Variants in CFAP58 observed in about 807,000 individuals in gnomAD.
The protein encoded by CFAP58 is cilia- and flagella-associated protein 58.
CFAP58 carries 88 observed loss-of-function variants against 119.5 expected under a neutral mutation model. The ratio of observed to expected loss-of-function variants is 0.74; its 90% CI spans 0.62 to 0.88. CFAP58 has a LOEUF of 0.88. Among genes scored for constraint, CFAP58 ranks in the 40% least tolerant of loss-of-function variants. CFAP58 has a pLI of 0.00. For synonymous variants in CFAP58, 365 were observed against 366.3 expected, an observed-to-expected ratio of 1.00 and a Z score of 0.04; for missense variants, 990 against 1,021.2, an observed-to-expected ratio of 0.97 and a Z score of 0.42.
rs532021111 is a variant in CFAP58, at chr10:104,445,607, A to G, written c.2257-2091A>G. On this transcript the variant is annotated intron_variant, in intron 15 of 17. Coordinates refer to ENST00000369704, the MANE Select transcript of CFAP58 (RefSeq NM_001008723.2). ...TTCTTCTATCCATGATATCATGTAG[A>G]TGGAATTTTGTAGCTCAATTTTGCC... is the stretch of plus-strand genomic sequence containing the variant. Among the ~76,000 whole-genome samples, 3 of 152,266 alleles carry G rather than the reference A, an allele frequency of 2.0e-5. No individual in the cohort carries two copies. In the East Asian group the frequency reaches 5.8e-4, roughly 29 times the overall value.
the CFAP58 span, among the ~76,000 whole-genome samples, chr10:104,341,994 A>T: frequency 6.6e-6 from 1 of 152,252 alleles, no homozygotes; most frequent in Non-Finnish European, 1.5e-5. Context: ...GTTTGGCTGC[A>T]AGTAACGGAA....
intron 17 of CFAP58, 71 bp from the exon 18 acceptor site, chr10:104,454,351 T>G (rs2013243395): frequency 1.1e-5 from 13 of 1,215,160 alleles, no homozygotes; most frequent in Non-Finnish European, 1.6e-5. Context: ...TAACACACCC[T>G]AGGATTATCA....
intron 15 of CFAP58, among the ~76,000 whole-genome samples, chr10:104,411,043 G>A (rs1375254657): frequency 2.6e-5 from 4 of 152,126 alleles, no homozygotes; most frequent in South Asian, 4.2e-4. Context: ...AGGTTCAAGC[G>A]ATTCTCCTGC....
chr10:104,390,914 A>G (rs1030257830), intron 9 of CFAP58, among the ~76,000 whole-genome samples: 1 of 152,224 alleles, frequency 6.6e-6, no homozygotes, highest in African/African-American at 2.4e-5. Flanking sequence ...AAAATTATAT[A>G]CATTGAAAGA....
At chr10:104,343,933 G>A in the CFAP58 span, among the ~76,000 whole-genome samples, 232 of 152,294 alleles carry the variant, frequency 1.5e-3, 1 homozygote, top group African/African-American at 4.8e-3. Context: ...TGCAGAGATA[G>A]GGTCTCAGTA....
chr10:104,445,794 G>A (rs2013104979), intron 15 of CFAP58, among the ~76,000 whole-genome samples: 1 of 152,200 alleles, frequency 6.6e-6, no homozygotes, highest in African/African-American at 2.4e-5. Context: ...TATGTGGTGA[G>A]GTGACAATAT....
At chr10:104,422,200 T>C (rs1239315088) in intron 15 of CFAP58, among the ~76,000 whole-genome samples, 1 of 152,064 alleles carries the variant, frequency 6.6e-6, no homozygotes. Flanking sequence ...TAAAATAAAA[T>C]AAAATAAAAA....
rs146127071 is a variant in CFAP58, at chr10:104,399,411, G to A, written c.1726G>A (p.Glu576Lys). Residue 576 changes from glutamate (E) to lysine (K), a missense_variant, in exon 12 of 18, where the codon GAA (glutamate) becomes AAA (lysine). Coordinates refer to ENST00000369704, the MANE Select transcript of CFAP58 (RefSeq NM_001008723.2). Reference sequence around the variant, plus strand: ...AGCCCTGGAGACAAAACACTTTATTGAAAAGCAAGAAGCTGAAGAGAGAAA... The same window carrying A: ...AGCCCTGGAGACAAAACACTTTATTAAAAAGCAAGAAGCTGAAGAGAGAAA... The part of the protein sequence containing the change: ...QQALETKHFI[E>K]KQEAEERKLL... 4.8e-5 allele frequency: 77 copies of A among 1,613,780 alleles called. No individual in the cohort carries two copies. The highest frequency in any genetic ancestry group is 6.2e-5 in the Non-Finnish European group (73 of 1,179,914).
intron 13 of CFAP58, among the ~76,000 whole-genome samples, chr10:104,401,951 C>T (rs1272787186): frequency 6.6e-6 from 1 of 152,188 alleles, no homozygotes; most frequent in Non-Finnish European, 1.5e-5. Context: ...ATCGAATAGT[C>T]TCCAAACCAT....
At chr10:104,382,817 A>G (rs1018677499) in intron 9 of CFAP58, among the ~76,000 whole-genome samples, 3 of 152,232 alleles carry the variant, frequency 2.0e-5, no homozygotes. Flanking sequence ...AGGCTTCCCC[A>G]GCCAGCGGAA....
At chr10:104,379,146 G>A (rs2011730117) in intron 8 of CFAP58, among the ~76,000 whole-genome samples, 1 of 151,654 alleles carries the variant, frequency 6.6e-6, no homozygotes, top group Non-Finnish European at 1.5e-5. Context: ...AAGAAACCCT[G>A]TACCTATTCA....
intron 15 of CFAP58, among the ~76,000 whole-genome samples, chr10:104,412,473 T>G (rs2012476342): frequency 6.6e-6 from 1 of 152,152 alleles, no homozygotes; most frequent in Non-Finnish European, 1.5e-5. Flanking sequence ...CTCAGCAGCT[T>G]GTATAACCCC....
In CFAP58 at chr10:104,374,224, C is replaced by T. The variant is rs2014859276; in HGVS notation, c.1091-2587C>T. ...CCTATAATCCCAGCACTTTAGGAGG[C>T]TTTGGCGGGTGGATTGCTTGAGCCC... is the stretch of plus-strand genomic sequence containing the variant. On this transcript the variant is annotated intron_variant, in intron 7 of 17. Coordinates refer to ENST00000369704, the MANE Select transcript of CFAP58 (RefSeq NM_001008723.2). Among the ~76,000 whole-genome samples the T allele has an allele frequency of 2.6e-5, 4 of 151,834 alleles. No homozygotes were observed. The South Asian group carries it at 8.3e-4, about 32-fold the overall frequency.
At chr10:104,413,384 G>T (rs1019690330) in intron 15 of CFAP58, among the ~76,000 whole-genome samples, 2 of 152,126 alleles carry the variant, frequency 1.3e-5, no homozygotes, top group Non-Finnish European at 2.9e-5. Flanking sequence ...ACGTGAAAAT[G>T]GTTCTTGAGA....
At position 104,357,848 on chromosome 10, in the gene CFAP58, CACATATATACACAT is replaced by C. The variant is rs1564875558; in HGVS notation, c.10-491_10-478del. Among the ~76,000 whole-genome samples, 103 of 50,050 alleles carry C rather than the reference CACATATATACACAT, an allele frequency of 2.1e-3. 5 individuals carry two copies. Among genetic ancestry groups the C allele is most frequent in the African/African-American group, 6.8e-3 (101 of 14,894 alleles). 32.8% of individuals were successfully genotyped at this position (50,050 alleles called of 152,430 possible). ...ATACACATATATGTACACATATGTACACATATATACACATATATACACATATATGTACACATATA... is the reference window on the plus strand; with the variant it reads ...ATACACATATATGTACACATATGTACATATACACATATATGTACACATATA... On this transcript the variant is annotated intron_variant, in intron 1 of 17. Transcript: ENST00000369704.
At chr10:104,338,778 C>T in the CFAP58 span, among the ~76,000 whole-genome samples, 1 of 152,208 alleles carries the variant, frequency 6.6e-6, no homozygotes, top group Non-Finnish European at 1.5e-5. Context: ...GAGTTTTCTG[C>T]GGCGCGTTTT....
At chr10:104,371,420 C>T (rs1446054842) in intron 7 of CFAP58, among the ~76,000 whole-genome samples, 1 of 152,184 alleles carries the variant, frequency 6.6e-6, no homozygotes, top group African/African-American at 2.4e-5. Flanking sequence ...AATGAATGTC[C>T]TTCATTAGCA....
intron 9 of CFAP58, among the ~76,000 whole-genome samples, chr10:104,389,019 G>T (rs1237413376): frequency 6.6e-6 from 1 of 152,110 alleles, no homozygotes; most frequent in Non-Finnish European, 1.5e-5. Flanking sequence ...TTAAGCTCCA[G>T]CCCCACAGCT....
At chr10:104,379,895 T>A in intron 8 of CFAP58, 134 bp from the exon 9 acceptor site, 1 of 822,778 alleles carries the variant, frequency 1.2e-6, no homozygotes, top group Non-Finnish European at 2.0e-6. Context: ...TAATAAGCTG[T>A]AGAGAATATG....
Sources: allele counts gnomAD v4.1 joint callset (sites outside exome capture counted in the v4.1 genomes callset), GRCh38; gene constraint gnomAD v4.1.1; transcripts MANE v1.5; gene names NCBI Gene and HGNC (gene_info 2026-07-23, HGNC 2026-07-21).